TUBB4A: variants seen among roughly 807,000 people sequenced by gnomAD.
TUBB4A encodes the protein tubulin beta-4A chain.
TUBB4A carries 13 observed loss-of-function variants against 35.1 expected under a neutral mutation model. The ratio of observed to expected loss-of-function variants is 0.37; its 90% CI spans 0.24 to 0.59. The LOEUF (loss-of-function observed/expected upper bound fraction) is 0.59, where lower values mean the gene tolerates loss of function less well. Ranked by LOEUF, TUBB4A falls within the 20% of genes least tolerant of loss-of-function variation. TUBB4A has a pLI of 0.71. For synonymous variants in TUBB4A, 279 were observed against 272.4 expected, an observed-to-expected ratio of 1.02 and a Z score of -0.24; for missense variants, 299 against 647.2, an observed-to-expected ratio of 0.46 and a Z score of 5.84.
rs1272350809 is a variant in TUBB4A at position 6,496,049 on chromosome 19, C to G, written c.450G>C (p.Leu150=). The G allele has an allele frequency of 6.8e-6, 11 of 1,614,182 alleles. No homozygotes were observed. The highest frequency in any genetic ancestry group is 9.3e-6 in the Non-Finnish European group (11 of 1,180,030). The change falls in exon 4 of 4, where the codon CTG becomes CTC. Residue 150 remains leucine, a synonymous_variant. Coordinates refer to ENST00000264071, the MANE Select transcript of TUBB4A (RefSeq NM_006087.4). ...ACTCCTCGCGGATCTTACTGATGAG[C>G]AGCGTGCCCATTCCGGACCCCGTGC... ...GGGTGSGMGT[L]LISKIREEFP...
In TUBB4A at chr19:6,495,296, C is replaced by T. The variant is rs746785644; in HGVS notation, c.1203G>A (p.Glu401=). Residue 401 remains glutamate (E), a synonymous_variant, in exon 4 of 4, where the codon GAG becomes GAA. Coordinates refer to ENST00000264071, the MANE Select transcript of TUBB4A (RefSeq NM_006087.4). The surrounding 1 kb of genome is among the most constrained non-coding windows in gnomAD (Gnocchi z 8.7). ...RKAFLHWYTG[E]GMDEMEFTEA... ...CGGTGAACTCCATCTCGTCCATGCCCTCGCCCGTGTACCAGTGCAAGAAGG... is the reference window on the plus strand; with the variant it reads ...CGGTGAACTCCATCTCGTCCATGCCTTCGCCCGTGTACCAGTGCAAGAAGG... 1 of 1,613,776 alleles carries T rather than the reference C, an allele frequency of 6.2e-7. No homozygotes were observed. The highest frequency in any genetic ancestry group is 1.7e-5 in the Admixed American group (1 of 60,016).
Position 6,495,458 on chromosome 19 carries a change from G to C in TUBB4A, c.1041C>G (p.Asn347Lys). The C allele has an allele frequency of 6.2e-7, 1 of 1,614,234 alleles. No individual in the cohort carries two copies. Among genetic ancestry groups the C allele is most frequent in the Non-Finnish European group, 8.5e-7 (1 of 1,180,038 alleles). The change falls in exon 4 of 4, where the codon AAC (asparagine) becomes AAG (lysine). Residue 347 changes from asparagine (N) to lysine (K), a missense_variant. This residue lies in a region of TUBB4A where 125 missense variants were observed against 279.1 expected (regional missense o/e 0.45). Transcript: ENST00000264071. This position sits in a 1 kb window ranked among gnomAD's most constrained non-coding sequence, Gnocchi z 8.7. ...TGTCGCACACGGCCGTCTTCACGTT[G>C]TTGGGGATCCACTCCACGAAGTAGC... ...NSSYFVEWIP[N>K]NVKTAVCDIP...
At chr19:6,498,318 A>G (rs1206933575) in intron 3 of TUBB4A, among the ~76,000 whole-genome samples, 1 of 152,044 alleles carries the variant, frequency 6.6e-6, no homozygotes, top group Non-Finnish European at 1.5e-5. Flanking sequence ...CAGCTCCAGC[A>G]TCACCCTCCT....
intron 3 of TUBB4A, among the ~76,000 whole-genome samples, chr19:6,497,027 ATATATATATAT>A (rs1914269286): frequency 7.5e-4 from 12 of 15,970 alleles, no homozygotes; most frequent in African/African-American, 1.9e-3. Context: ...AAAAAAAAAT[ATATATATATAT>A]ATATATATAT....
chr19:6,496,084 G>A lies in TUBB4A; in HGVS notation c.415C>T (p.Leu139=), dbSNP rs560881201. 6.2e-6 allele frequency: 10 copies of A among 1,614,204 alleles called. 1 individual carries two copies. In the East Asian group the frequency reaches 2.2e-4, roughly 36 times the overall value. Residue 139 remains leucine (L), a synonymous_variant, in exon 4 of 4, where the codon CTG becomes TTG. Coordinates refer to ENST00000264071, the MANE Select transcript of TUBB4A (RefSeq NM_006087.4). ...ATTCCGGACCCCGTGCCACCCCCCA[G>A]CGAGTGGGTCAGCTGGAAGCCCTGA... ...CLQGFQLTHS[L]GGGTGSGMGT...
Position 6,501,676 on chromosome 19 carries a change from C to A in TUBB4A, c.58-53G>T, listed in dbSNP as rs1914539903. 4 of 1,494,770 alleles carry A rather than the reference C, an allele frequency of 2.7e-6. No individual in the cohort carries two copies. The South Asian group carries it at 3.6e-5, about 13-fold the overall frequency. 92.6% of individuals were successfully genotyped at this position (1,494,770 alleles called of 1,614,324 possible). On this transcript the variant is annotated intron_variant, in intron 1 of 3. Transcript: ENST00000264071. This position sits in a 1 kb window ranked among gnomAD's most constrained non-coding sequence, Gnocchi z 4.2. ...GAGAGAGGGGAAGCCGGTGGCCAAG[C>A]CGAGGACTGCCCCCAGCCCCCAACT...
chr19:6,496,648 A>G (rs1914210376), intron 3 of TUBB4A, among the ~76,000 whole-genome samples: 2 of 147,440 alleles, frequency 1.4e-5, no homozygotes, highest in South Asian at 2.1e-4. Context: ...TAATAATAAT[A>G]ATAATAATAA....
In TUBB4A at chr19:6,496,049, C is replaced by T. The variant is rs1272350809; in HGVS notation, c.450G>A (p.Leu150=). ...ACTCCTCGCGGATCTTACTGATGAG[C>T]AGCGTGCCCATTCCGGACCCCGTGC... ...GGGTGSGMGT[L]LISKIREEFP... is the part of the protein sequence containing the mutation. Residue 150 remains leucine (L), a synonymous_variant, in exon 4 of 4, where the codon CTG becomes CTA. Coordinates refer to ENST00000264071, the MANE Select transcript of TUBB4A (RefSeq NM_006087.4). 21 of 1,614,182 alleles carry T rather than the reference C, an allele frequency of 1.3e-5. No individual in the cohort carries two copies. The highest frequency in any genetic ancestry group is 1.8e-5 in the Non-Finnish European group (21 of 1,180,030).
intron 3 of TUBB4A, among the ~76,000 whole-genome samples, chr19:6,497,079 T>G (rs1914282202): frequency 9.5e-6 from 1 of 105,020 alleles, no homozygotes; most frequent in Admixed American, 1.3e-4. Context: ...TAGCCAGTCA[T>G]GGTGGTGGCA....
chr19:6,496,479 A>C (rs1164447814), intron 3 of TUBB4A: 4 of 348,922 alleles, frequency 1.1e-5, no homozygotes, highest in Non-Finnish European at 1.6e-5. Context: ...ATTACAAAAA[A>C]AATTAGCCGG....
intron 3 of TUBB4A, 27 bp from the exon 4 acceptor site, chr19:6,496,248 C>T (rs759474575): frequency 5.0e-6 from 8 of 1,584,762 alleles, no homozygotes; most frequent in Non-Finnish European, 6.0e-6. Context: ...AGGGGACACA[C>T]ATGCAGTTAT....
rs1914537767 is a variant in TUBB4A, at chr19:6,501,636, G to A, written c.58-13C>T. The A allele has an allele frequency of 1.2e-6, 2 of 1,609,214 alleles. No individual in the cohort carries two copies. The highest frequency in any genetic ancestry group is 2.7e-5 in the African/African-American group (2 of 74,832). On this transcript the variant is annotated splice_polypyrimidine_tract_variant and intron_variant, in intron 1 of 3. Transcript: ENST00000264071. This position sits in a 1 kb window ranked among gnomAD's most constrained non-coding sequence, Gnocchi z 4.2. ...TAACCTCCCAAAACTAGAGAGAGAG[G>A]TGGTCGGAAGAGTTGAGAGAGGGGA...
chr19:6,495,324 T>C lies in TUBB4A; in HGVS notation c.1175A>G (p.Lys392Arg). ...GCCCGTGTACCAGTGCAAGAAGGCC[T>C]TGCGCCGGAACATGGCCGTGAACTG... ...SEQFTAMFRR[K>R]AFLHWYTGEG... The change falls in exon 4 of 4, where the codon AAG becomes AGG. Residue 392 changes from lysine to arginine, a missense_variant. Transcript: ENST00000264071. This position sits in a 1 kb window ranked among gnomAD's most constrained non-coding sequence, Gnocchi z 8.7. 1 of 1,613,724 alleles carries C rather than the reference T, an allele frequency of 6.2e-7. No individual in the cohort carries two copies. Among genetic ancestry groups the C allele is most frequent in the Non-Finnish European group, 8.5e-7 (1 of 1,179,906 alleles).
intron 1 of TUBB4A, 57 bp downstream of exon 1, chr19:6,502,099 A>T (rs1914560161): frequency 6.7e-7 from 1 of 1,500,712 alleles, no homozygotes; most frequent in African/African-American, 1.4e-5. Context: ...CCGGGGACCG[A>T]CCCCGCGGTG....
In TUBB4A at chr19:6,502,153, C is replaced by G. The variant is rs1310461158; in HGVS notation, c.57+3G>C. 4 of 1,569,868 alleles carry G rather than the reference C, an allele frequency of 2.5e-6. No homozygotes were observed. The highest frequency in any genetic ancestry group is 3.4e-6 in the Non-Finnish European group (4 of 1,166,364). ...GCCTCCCCGGGCCCCGTTCCCCGAGCACCTTGGCCCCGATCTGGTTGCCGC... is the reference window on the plus strand; with the variant it reads ...GCCTCCCCGGGCCCCGTTCCCCGAGGACCTTGGCCCCGATCTGGTTGCCGC... On this transcript the variant is annotated splice_donor_region_variant and intron_variant, in intron 1 of 3. Coordinates refer to ENST00000264071, the MANE Select transcript of TUBB4A (RefSeq NM_006087.4).
intron 3 of TUBB4A, chr19:6,496,560 G>A: frequency 5.0e-6 from 1 of 200,570 alleles, no homozygotes; most frequent in Non-Finnish European, 1.0e-5. Flanking sequence ...GAACCCAGGA[G>A]GCGGAACTTG....
chr19:6,501,212 G>A lies in TUBB4A; in HGVS notation c.277+75C>T. The A allele has an allele frequency of 7.9e-7, 1 of 1,272,630 alleles. No homozygotes were observed. The highest frequency in any genetic ancestry group is 1.1e-6 in the Non-Finnish European group (1 of 900,694). The allele number at this position is 1,272,630 out of a possible 1,614,324, so 78.8% of individuals were successfully genotyped here. A position where few individuals can be genotyped will look rare whatever the true frequency, so the allele number is the denominator to read the frequency against. On this transcript the variant is annotated intron_variant, in intron 3 of 3. Transcript: ENST00000264071. The surrounding 1 kb of genome is among the most constrained non-coding windows in gnomAD (Gnocchi z 4.2). Reference sequence around the variant, plus strand: ...CCATCTCTGGTCTGTGGGCCCCGGTGGTGGCTGTTGACTCTGTGGTGTTAG... The same window carrying A: ...CCATCTCTGGTCTGTGGGCCCCGGTAGTGGCTGTTGACTCTGTGGTGTTAG...
At chr19:6,502,105 C>G (rs941293992) in intron 1 of TUBB4A, 51 bp downstream of exon 1, 2 of 1,511,764 alleles carry the variant, frequency 1.3e-6, no homozygotes, top group Admixed American at 2.1e-5. Flanking sequence ...ACCGACCCCG[C>G]GGTGCTCCCC....
chr19:6,495,560 C>T lies in TUBB4A; in HGVS notation c.939G>A (p.Val313=). ...ACATGCGGCCCCGGAACACGGCGGCCACGGTCAGGTAGCGGCCGTGGCGCG... is the reference window on the plus strand; with the variant it reads ...ACATGCGGCCCCGGAACACGGCGGCTACGGTCAGGTAGCGGCCGTGGCGCG... ...CDPRHGRYLT[V]AAVFRGRMSM... Residue 313 remains valine (V), a synonymous_variant, in exon 4 of 4, where the codon GTG becomes GTA. Transcript: ENST00000264071. The surrounding 1 kb of genome is among the most constrained non-coding windows in gnomAD (Gnocchi z 8.7). The T allele has an allele frequency of 6.2e-7, 1 of 1,614,072 alleles. No homozygotes were observed. Among genetic ancestry groups the T allele is most frequent in the Non-Finnish European group, 8.5e-7 (1 of 1,179,982 alleles).
Sources: gnomAD v4.1 joint callset for allele counts (sites outside exome capture counted in the v4.1 genomes callset) on GRCh38, gnomAD v4.1.1 for gene constraint, gnomAD v4.1.1 regional missense constraint, Gnocchi (gnomAD v3.1) non-coding constraint, MANE v1.5 for transcripts, NCBI Gene and HGNC (gene_info 2026-07-23, HGNC 2026-07-21) for gene names.